TRAIP: variants seen among roughly 807,000 people sequenced by gnomAD.
TRAIP encodes E3 ubiquitin-protein ligase TRAIP.
Under a neutral mutation model 65.0 loss-of-function variants are expected in TRAIP, and 37 were observed. The ratio of observed to expected loss-of-function variants is 0.57; its 90% confidence interval spans 0.44 to 0.75. TRAIP has a LOEUF of 0.75. Ranked by LOEUF, TRAIP falls within the 30% of genes least tolerant of loss-of-function variation. The pLI is 0.00. For synonymous variants in TRAIP, 187 were observed against 219.1 expected (o/e 0.85, Z 1.29); for missense variants, 481 against 579.4 (o/e 0.83, Z 1.74).
intron 9 of TRAIP, 52 bp downstream of exon 9, chr3:49,840,232 G>C: frequency 1.3e-6 from 2 of 1,512,106 alleles, no homozygotes; most frequent in Non-Finnish European, 9.2e-7. Flanking sequence ...CCCTGCTCTG[G>C]GAGGGCACAC....
intron 3 of TRAIP, among the ~76,000 whole-genome samples, chr3:49,846,490 G>T (rs910710594): frequency 6.6e-6 from 1 of 152,146 alleles, no homozygotes; most frequent in Non-Finnish European, 1.5e-5. Context: ...GGCTGTACAG[G>T]ATGGCTGTAG....
At chr3:49,839,908 G>A in intron 9 of TRAIP, 48 bp from the exon 10 acceptor site, 1 of 1,575,228 alleles carries the variant, frequency 6.3e-7, no homozygotes, top group Non-Finnish European at 8.7e-7. Flanking sequence ...GAGGCATCAA[G>A]TCCGGAGATA....
intron 11 of TRAIP, among the ~76,000 whole-genome samples, chr3:49,831,283 C>A (rs564423343): frequency 6.6e-6 from 1 of 152,356 alleles, no homozygotes; most frequent in African/African-American, 2.4e-5. Flanking sequence ...AAAGAGGAAA[C>A]CTGCCCAGCC....
chr3:49,829,519 A>C lies in TRAIP; in HGVS notation c.1237-11T>G. ...GAAGCCTGTCCTTACCTAGGGTGGA[A>C]GGAAGAGATGAGTGGGCCAGGCTAA... On this transcript the variant is annotated splice_polypyrimidine_tract_variant and intron_variant, in intron 13 of 14. Transcript: ENST00000331456. The C allele has an allele frequency of 6.2e-7, 1 of 1,614,096 alleles. No individual in the cohort carries two copies. The highest frequency in any genetic ancestry group is 2.2e-5 in the East Asian group (1 of 44,872).
intron 10 of TRAIP, among the ~76,000 whole-genome samples, chr3:49,832,340 A>G (rs1242761612): frequency 1.3e-5 from 2 of 151,896 alleles, no homozygotes; most frequent in African/African-American, 2.4e-5. Context: ...AAATACAAAA[A>G]TTAGCTGGGT....
intron 5 of TRAIP, chr3:49,843,253 C>T (rs2081853850): frequency 6.5e-6 from 1 of 154,286 alleles, no homozygotes; most frequent in South Asian, 2.0e-4. Flanking sequence ...AATCGCCTCT[C>T]ATGCCCCTTG....
chr3:49,841,163 A>G lies in TRAIP; in HGVS notation c.618-91T>C, dbSNP rs943051414. ...CTAATCTAACACAAAGCACTGCCCA[A>G]CCCCTCAACTCACTCTCATTCCTAC... On this transcript the variant is annotated intron_variant, in intron 7 of 14. Coordinates refer to ENST00000331456, the MANE Select transcript of TRAIP (RefSeq NM_005879.3). The G allele has an allele frequency of 4.4e-5, 47 of 1,059,308 alleles. 1 individual carries two copies. The South Asian group carries it at 5.9e-4, about 13-fold the overall frequency. The allele number at this position is 1,059,308 out of a possible 1,614,324, so 65.6% of individuals were successfully genotyped here. A position where few individuals can be genotyped will look rare whatever the true frequency, so the allele number is the denominator to read the frequency against.
chr3:49,834,202 T>C (rs1249731258), intron 10 of TRAIP, among the ~76,000 whole-genome samples: 1 of 152,180 alleles, frequency 6.6e-6, no homozygotes, highest in Admixed American at 6.5e-5. Flanking sequence ...TCAGGGGCCC[T>C]TGGGGCCCAT....
intron 1 of TRAIP, among the ~76,000 whole-genome samples, chr3:49,850,267 G>A (rs1449647022): frequency 2.6e-5 from 4 of 152,054 alleles, no homozygotes; most frequent in African/African-American, 9.7e-5. Flanking sequence ...TTGGGAGGTC[G>A]AGGCGGGTGG....
rs902538322 is a variant in TRAIP at position 49,841,847 on chromosome 3, A to G, written c.596T>C (p.Val199Ala). The change falls in exon 7 of 15, where the codon GTG becomes GCG. Residue 199 changes from valine (V) to alanine (A), a missense_variant. By Grantham distance (64) the Val-to-Ala change is moderately conservative. Coordinates refer to ENST00000331456, the MANE Select transcript of TRAIP (RefSeq NM_005879.3). ...VGQSAVEQLA[V>A]YCVSLKKEYE... ...GCACTTCTTGAGAGACACACAGTAC[A>G]CAGCCAGCTGTTCCACCGCTGACTG... 2.5e-6 allele frequency: 4 copies of G among 1,614,202 alleles called. No individual in the cohort carries two copies. The highest frequency in any genetic ancestry group is 3.4e-6 in the Non-Finnish European group (4 of 1,180,016).
rs543922684 is a variant in TRAIP at position 49,828,824 on chromosome 3, C to T, written c.*279G>A. On this transcript the variant is annotated 3_prime_UTR_variant, in exon 15 of 15. Coordinates refer to ENST00000331456, the MANE Select transcript of TRAIP (RefSeq NM_005879.3). ...TCTCCAGGCCCAGAAAGAGTCTGACCACATCTGATCATGGCTATAAACAGG... is the reference window on the plus strand; with the variant it reads ...TCTCCAGGCCCAGAAAGAGTCTGACTACATCTGATCATGGCTATAAACAGG... The T allele has an allele frequency of 1.2e-5, 5 of 407,242 alleles. No individual in the cohort carries two copies. Among genetic ancestry groups the T allele is most frequent in the Middle Eastern group, 7.7e-4 (1 of 1,300 alleles). 25.2% of individuals were successfully genotyped at this position (407,242 alleles called of 1,614,324 possible).
Position 49,840,272 on chromosome 3 carries a change from G to T in TRAIP, c.795+12C>A. Reference sequence around the variant, plus strand: ...CACCCCTCATTCCTGTCAAGCCAGGGATGTCCCTCACCATGATTTCCTTGT... The same window carrying T: ...CACCCCTCATTCCTGTCAAGCCAGGTATGTCCCTCACCATGATTTCCTTGT... On this transcript the variant is annotated intron_variant, in intron 9 of 14. Coordinates refer to ENST00000331456, the MANE Select transcript of TRAIP (RefSeq NM_005879.3). The T allele has an allele frequency of 6.2e-7, 1 of 1,612,568 alleles. No individual in the cohort carries two copies. The highest frequency in any genetic ancestry group is 8.5e-7 in the Non-Finnish European group (1 of 1,178,530).
In TRAIP at chr3:49,850,724, G is replaced by A. The variant is rs1338581389; in HGVS notation, c.99-2524C>T. On this transcript the variant is annotated intron_variant, in intron 1 of 14. Coordinates refer to ENST00000331456, the MANE Select transcript of TRAIP (RefSeq NM_005879.3). The stretch of plus-strand genomic sequence containing the variant: ...GGCTGGAGTTCAGTGGCACGATCTC[G>A]GCTCACTGCAACCTCCACCTCCCAG... 1.1e-4 allele frequency among the ~76,000 whole-genome samples: 15 copies of A among 130,646 alleles called. 1 individual carries two copies. In the East Asian group the frequency reaches 3.1e-3, roughly 27 times the overall value. The allele number at this position is 130,646 out of a possible 152,430, so 85.7% of individuals were successfully genotyped here.
intron 9 of TRAIP, 61 bp from the exon 10 acceptor site, chr3:49,839,921 G>A: frequency 6.6e-7 from 1 of 1,518,006 alleles, no homozygotes; most frequent in Non-Finnish European, 9.2e-7. Context: ...CGGAGATAAT[G>A]CAGAGGACAT....
chr3:49,849,849 T>C (rs1363733245), intron 1 of TRAIP, among the ~76,000 whole-genome samples: 2 of 140,414 alleles, frequency 1.4e-5, no homozygotes, highest in Admixed American at 7.0e-5. Flanking sequence ...TCTTTTTTTT[T>C]TTTTTTTTTT....
intron 2 of TRAIP, 47 bp from the exon 3 acceptor site, chr3:49,847,655 G>A (rs986119688): frequency 1.2e-5 from 16 of 1,376,096 alleles, no homozygotes; most frequent in Non-Finnish European, 1.4e-5. Context: ...GCTGGGTCAT[G>A]CGCAAGGAGG....
intron 1 of TRAIP, among the ~76,000 whole-genome samples, chr3:49,849,342 G>A (rs1329571350): frequency 6.6e-6 from 1 of 150,918 alleles, no homozygotes; most frequent in Non-Finnish European, 1.5e-5. Flanking sequence ...AAAAAAAAGA[G>A]TGGCCGGGCG....
At chr3:49,852,163 TCA>T (rs2081938112) in intron 1 of TRAIP, among the ~76,000 whole-genome samples, 2 of 147,130 alleles carry the variant, frequency 1.4e-5, no homozygotes, top group African/African-American at 5.0e-5. Flanking sequence ...GGTCAGGAGT[TCA>T]AGACCAGCCT....
chr3:49,829,700 A>G lies in TRAIP; in HGVS notation c.1153T>C (p.Phe385Leu). The G allele has an allele frequency of 6.2e-7, 1 of 1,614,172 alleles. No homozygotes were observed. ...GEPDEELVGA[F>L]PIFVRNAILG... ...ATGGCATTCCGGACAAAAATAGGGA[A>G]GGCACCAACCAGTTCCTCATCTGGC... Residue 385 changes from phenylalanine to leucine, a missense_variant, in exon 13 of 15, where the codon TTC (phenylalanine) becomes CTC (leucine). Coordinates refer to ENST00000331456, the MANE Select transcript of TRAIP (RefSeq NM_005879.3).
Sources: allele counts gnomAD v4.1 joint callset (sites outside exome capture counted in the v4.1 genomes callset), GRCh38; gene constraint gnomAD v4.1.1; transcripts MANE v1.5; gene names NCBI Gene and HGNC (gene_info 2026-07-23, HGNC 2026-07-21).